The following JMJD1C variants were observed in gnomAD, a reference collection of about 807,000 sequenced individuals.
JMJD1C encodes jumonji domain-containing protein 1C.
JMJD1C carries 31 observed loss-of-function variants against 245.3 expected under a neutral mutation model. The observed-to-expected ratio is 0.13, with a 90% confidence interval of 0.09 to 0.17. The LOEUF is 0.17. Among genes scored for constraint, JMJD1C ranks in the 10% least tolerant of loss-of-function variants. The probability of loss-of-function intolerance (pLI) is 1.00; values close to 1 mark genes in which losing one functional copy is unlikely to be tolerated. For missense variants in JMJD1C, 2,691 were observed against 3,000.2 expected (o/e 0.90, Z 2.41); for synonymous variants, 1,057 against 1,017.4 (o/e 1.04, Z -0.74).
intron 2 of JMJD1C, among the ~76,000 whole-genome samples, chr10:63,349,503 T>A (rs1487163239): frequency 1.3e-5 from 2 of 152,196 alleles, no homozygotes; most frequent in Non-Finnish European, 2.9e-5. Context: ...GTCCTCAAAG[T>A]GCTTATAGAA....
chr10:63,335,018 C>T (rs965936562), intron 2 of JMJD1C, among the ~76,000 whole-genome samples: 5 of 67,370 alleles, frequency 7.4e-5, no homozygotes, highest in Admixed American at 1.4e-4. Flanking sequence ...AAGACTCTGT[C>T]TTTGGAAAAA....
At chr10:63,381,755 T>C (rs1185423542) in intron 1 of JMJD1C, among the ~76,000 whole-genome samples, 1 of 152,176 alleles carries the variant, frequency 6.6e-6, no homozygotes, top group African/African-American at 2.4e-5. Flanking sequence ...TTAATCAGAT[T>C]ATACCCCTTA....
At chr10:63,433,425 G>A (rs562658449) in intron 1 of JMJD1C, among the ~76,000 whole-genome samples, 15 of 151,994 alleles carry the variant, frequency 9.9e-5, no homozygotes, top group African/African-American at 3.1e-4. Context: ...TTTAGATACT[G>A]AGAATTTAAA....
intron 2 of JMJD1C, among the ~76,000 whole-genome samples, chr10:63,321,222 G>A (rs562443542): frequency 4.6e-5 from 7 of 152,248 alleles, no homozygotes; most frequent in South Asian, 4.1e-4. Flanking sequence ...GTAATAAATC[G>A]GTAAACATAA....
At chr10:63,298,875 G>C (rs1859747996) in intron 2 of JMJD1C, among the ~76,000 whole-genome samples, 1 of 151,964 alleles carries the variant, frequency 6.6e-6, no homozygotes, top group Non-Finnish European at 1.5e-5. Context: ...TGAGAATACA[G>C]GTGCCCACCA....
At chr10:63,390,363 G>A (rs1392454369) in intron 1 of JMJD1C, among the ~76,000 whole-genome samples, 1 of 152,054 alleles carries the variant, frequency 6.6e-6, no homozygotes, top group Non-Finnish European at 1.5e-5. Flanking sequence ...CTAATAACAA[G>A]TAATGAGGTA....
intron 10 of JMJD1C, chr10:63,204,162 C>T (rs143036670): frequency 3.0e-6 from 3 of 984,690 alleles, no homozygotes; most frequent in Middle Eastern, 5.2e-4. Flanking sequence ...TTCTAGGTAG[C>T]CTAGAACAAA....
At chr10:63,338,531 A>G (rs1943058688) in intron 2 of JMJD1C, among the ~76,000 whole-genome samples, 1 of 152,056 alleles carries the variant, frequency 6.6e-6, no homozygotes, top group Non-Finnish European at 1.5e-5. Flanking sequence ...AGATAGACCT[A>G]GATATAGTGG....
chr10:63,477,447 T>C (rs1312437247), intron 1 of JMJD1C, among the ~76,000 whole-genome samples: 1 of 151,472 alleles, frequency 6.6e-6, no homozygotes, highest in Admixed American at 6.6e-5. Flanking sequence ...AATAGACCCA[T>C]ACTTATATGG....
At chr10:63,411,016 A>C (rs1949441557) in intron 1 of JMJD1C, among the ~76,000 whole-genome samples, 1 of 152,248 alleles carries the variant, frequency 6.6e-6, no homozygotes, top group African/African-American at 2.4e-5. Flanking sequence ...GAGCAATGAA[A>C]GAATAAACTT....
intron 1 of JMJD1C, among the ~76,000 whole-genome samples, chr10:63,442,727 T>C (rs1416286683): frequency 6.6e-6 from 1 of 152,216 alleles, no homozygotes; most frequent in Non-Finnish European, 1.5e-5. Flanking sequence ...CTTTATATAA[T>C]CCAGCTTCTC....
At chr10:63,357,771 T>C (rs186297785) in intron 2 of JMJD1C, among the ~76,000 whole-genome samples, 280 of 151,624 alleles carry the variant, frequency 1.8e-3, no homozygotes, top group South Asian at 6.9e-3. Context: ...AATGAAATTA[T>C]CTCCCAACAC....
rs368471978 is a variant in JMJD1C at position 63,225,639 on chromosome 10, G to A, written c.448-5656C>T. Among the ~76,000 whole-genome samples the A allele has an allele frequency of 9.5e-4, 144 of 152,166 alleles. 1 individual carries two copies. The highest frequency in any genetic ancestry group is 3.1e-3 in the African/African-American group (127 of 41,526). ...CTAAAAATACAAAAATTAGCCAGGTGTAGTGACACACGCTTGTGAATCCCA... is the reference window on the plus strand; with the variant it reads ...CTAAAAATACAAAAATTAGCCAGGTATAGTGACACACGCTTGTGAATCCCA... On this transcript the variant is annotated intron_variant, in intron 3 of 25. Coordinates refer to ENST00000399262, the MANE Select transcript of JMJD1C (RefSeq NM_032776.3).
chr10:63,340,357 G>A (rs1381379076), intron 2 of JMJD1C, among the ~76,000 whole-genome samples: 2 of 152,308 alleles, frequency 1.3e-5, no homozygotes, highest in Non-Finnish European at 2.9e-5. Context: ...GGCAGGACAT[G>A]ACAATGGCAG....
At chr10:63,238,643 T>C (rs1007527263) in intron 3 of JMJD1C, among the ~76,000 whole-genome samples, 5 of 152,236 alleles carry the variant, frequency 3.3e-5, no homozygotes, top group Non-Finnish European at 2.9e-5. Context: ...AACTGTTTTT[T>C]AGTTCTTCCA....
chr10:63,248,542 A>ATAAG (rs1852589921), intron 3 of JMJD1C, among the ~76,000 whole-genome samples: 1 of 151,350 alleles, frequency 6.6e-6, no homozygotes, highest in African/African-American at 2.4e-5. Context: ...AAATAAATAA[A>ATAAG]TAAATAAATA....
Position 63,465,710 on chromosome 10 carries a change from C to A in JMJD1C, c.-48G>T. 2 of 1,595,884 alleles carry A rather than the reference C, an allele frequency of 1.3e-6. No individual in the cohort carries two copies. Among genetic ancestry groups the A allele is most frequent in the Non-Finnish European group, 1.7e-6 (2 of 1,174,864 alleles). On this transcript the variant is annotated 5_prime_UTR_variant, in exon 1 of 26. Transcript: ENST00000399262. ...GCTGCCTCCTCCAGTGCGAGGGAAC[C>A]GATGAAACCTCACTCCTACCGGCCG...
intron 1 of JMJD1C, among the ~76,000 whole-genome samples, chr10:63,431,534 A>T (rs979046779): frequency 1.3e-5 from 2 of 152,172 alleles, no homozygotes; most frequent in Admixed American, 1.3e-4. Flanking sequence ...TAGGTGCAAT[A>T]ATGGACTATC....
chr10:63,385,953 CTACAA>C (rs1947557084), intron 1 of JMJD1C, among the ~76,000 whole-genome samples: 1 of 151,986 alleles, frequency 6.6e-6, no homozygotes, highest in African/African-American at 2.4e-5. Flanking sequence ...ACGGTGAAAA[CTACAA>C]TACACCAAAC....
Sources: gnomAD v4.1 joint callset for allele counts (sites outside exome capture counted in the v4.1 genomes callset) on GRCh38, gnomAD v4.1.1 for gene constraint, MANE v1.5 for transcripts, NCBI Gene and HGNC (gene_info 2026-07-23, HGNC 2026-07-21) for gene names.